The following COA1 variants were observed in gnomAD, a reference collection of about 807,000 sequenced individuals.
COA1 encodes cytochrome c oxidase assembly factor 1 homolog.
In COA1, 13 loss-of-function variants were observed where a neutral mutation model predicts 16.0. The observed-to-expected ratio is 0.81, with a 90% confidence interval of 0.53 to 1.29. The LOEUF (loss-of-function observed/expected upper bound fraction) is 1.29, where lower values mean the gene tolerates loss of function less well. Ranked by LOEUF, COA1 falls within the 50% of genes most tolerant of loss-of-function variation. COA1 has a pLI of 0.00. For synonymous variants in COA1, 65 were observed against 65.7 expected (o/e 0.99, Z 0.05); for missense variants, 179 against 177.0 (o/e 1.01, Z -0.06).
intron 1 of COA1, among the ~76,000 whole-genome samples, chr7:43,674,499 A>G (rs2093421855): frequency 6.6e-6 from 1 of 152,166 alleles, no homozygotes; most frequent in African/African-American, 2.4e-5. Flanking sequence ...GCTTTATAAA[A>G]CTCTATAATT....
chr7:43,656,480 G>A (rs1056816589), intron 1 of COA1, among the ~76,000 whole-genome samples: 1 of 151,536 alleles, frequency 6.6e-6, no homozygotes, highest in Admixed American at 6.6e-5. Flanking sequence ...GGCGGATCAC[G>A]AGGTCAAGAG....
intron 1 of COA1, among the ~76,000 whole-genome samples, chr7:43,725,721 T>C (rs1036731375): frequency 4.6e-5 from 7 of 151,970 alleles, no homozygotes; most frequent in Non-Finnish European, 8.8e-5. Flanking sequence ...TAGCTGGGCA[T>C]GGTGGCAGTC....
At position 43,645,419 on chromosome 7, in the gene COA1, T is replaced by C; in HGVS notation, c.116-20A>G. 6.2e-7 allele frequency: 1 copy of C among 1,611,498 alleles called. No homozygotes were observed. The highest frequency in any genetic ancestry group is 1.1e-5 in the South Asian group (1 of 91,006). On this transcript the variant is annotated intron_variant, in intron 3 of 5. Coordinates refer to ENST00000223336, the MANE Select transcript of COA1 (RefSeq NM_018224.4). The stretch of plus-strand genomic sequence containing the variant: ...GAAACTCTAAGGACGAAAGACACAC[T>C]TATTTTCTTTATTGAACTTGGTCAG...
rs1554541692 is a variant in COA1, at chr7:43,691,072, A to AAAAC, written c.-39+38356_-39+38357insGTTT. 4.6e-3 allele frequency among the ~76,000 whole-genome samples: 484 copies of AAAAC among 105,408 alleles called. 1 individual carries two copies. The highest frequency in any genetic ancestry group is 0.018 in the African/African-American group (435 of 23,920). The allele number at this position is 105,408 out of a possible 152,430, so 69.2% of individuals were successfully genotyped here. Reference sequence around the variant, plus strand: ...ATCACTACAAAAAAAAAAAAAAAAAAAAAAACAAAAAGAAAAGAAAATTGG... The same window carrying AAAAC: ...ATCACTACAAAAAAAAAAAAAAAAAAAAACAAAAACAAAAAGAAAAGAAAATTGG... On this transcript the variant is annotated intron_variant, in intron 1 of 5. Coordinates refer to ENST00000223336, the MANE Select transcript of COA1 (RefSeq NM_018224.4).
intron 4 of COA1, among the ~76,000 whole-genome samples, chr7:43,643,156 C>G (rs956657219): frequency 6.6e-6 from 1 of 152,200 alleles, no homozygotes; most frequent in Non-Finnish European, 1.5e-5. Context: ...CCCAGGAAGG[C>G]GCCCTCTCAG....
At chr7:43,610,508 AT>A (rs2152977342) in intron 6 of COA1, among the ~76,000 whole-genome samples, 1 of 151,514 alleles carries the variant, frequency 6.6e-6, no homozygotes, top group East Asian at 2.0e-4. Flanking sequence ...TCTACTAAAA[AT>A]ACAAAAAATT....
At chr7:43,691,411 GGAAGAAAGAA>G (rs1585056278) in intron 1 of COA1, among the ~76,000 whole-genome samples, 3 of 104,268 alleles carry the variant, frequency 2.9e-5, no homozygotes, top group Non-Finnish European at 5.9e-5. Context: ...AAGGAAGGAA[GGAAGAAAGAA>G]AAAGAAAGAA....
At chr7:43,725,246 A>G (rs1294328489) in intron 1 of COA1, among the ~76,000 whole-genome samples, 1 of 152,160 alleles carries the variant, frequency 6.6e-6, no homozygotes, top group South Asian at 2.1e-4. Context: ...CTCAAAAAAA[A>G]AAAAAGAAAA....
chr7:43,692,664 G>A (rs113441332), intron 1 of COA1, among the ~76,000 whole-genome samples: 2 of 152,266 alleles, frequency 1.3e-5, no homozygotes, highest in African/African-American at 4.8e-5. Flanking sequence ...CAGTATTCAT[G>A]TAATACTTCA....
Position 43,627,655 on chromosome 7 carries a change from TTC to T in COA1, c.*133+11792_*133+11793del, listed in dbSNP as rs2084709139. Among the ~76,000 whole-genome samples, 5 of 152,226 alleles carry T rather than the reference TTC, an allele frequency of 3.3e-5. No homozygotes were observed. In the South Asian group the frequency reaches 1.0e-3, roughly 32 times the overall value. On this transcript the variant is annotated intron_variant and NMD_transcript_variant, in intron 6 of 6. Transcript: ENST00000415076. Reference sequence around the variant, plus strand: ...TGTCCAAGATTGGCCACCTCATCCATTCTATCTGTTGCGGAATTTAAAAAGCT... The same window carrying T: ...TGTCCAAGATTGGCCACCTCATCCATTATCTGTTGCGGAATTTAAAAAGCT...
At chr7:43,728,763 T>C (rs1426660475) in intron 1 of COA1, among the ~76,000 whole-genome samples, 2 of 152,084 alleles carry the variant, frequency 1.3e-5, no homozygotes, top group African/African-American at 4.8e-5. Flanking sequence ...ACCTCAGAAA[T>C]AAAGCAATAG....
chr7:43,640,783 A>G, intron 4 of COA1, 134 bp from the exon 5 acceptor site: 1 of 631,762 alleles, frequency 1.6e-6, no homozygotes, highest in Non-Finnish European at 2.6e-6. Context: ...GTTCTTTTCT[A>G]ACAGCCCAGC....
intron 1 of COA1, among the ~76,000 whole-genome samples, chr7:43,664,836 C>T (rs2092766715): frequency 6.6e-6 from 1 of 152,208 alleles, no homozygotes; most frequent in Admixed American, 6.5e-5. Flanking sequence ...CAAGAATATG[C>T]TATAAAGCAG....
At chr7:43,608,545 C>A in exon 7 of COA1, 1 of 885,484 alleles carries the variant, frequency 1.1e-6, no homozygotes, top group East Asian at 2.7e-5. Flanking sequence ...CTCCTATCCT[C>A]TAGCCAGTTA....
At chr7:43,727,731 G>A (rs1230806751) in intron 1 of COA1, among the ~76,000 whole-genome samples, 1 of 152,224 alleles carries the variant, frequency 6.6e-6, no homozygotes, top group Non-Finnish European at 1.5e-5. Flanking sequence ...AGGTGAGCCT[G>A]CTGAATAAGT....
chr7:43,633,438 G>C (rs1023932624), intron 6 of COA1: 19 of 152,230 alleles, frequency 1.2e-4, no homozygotes, highest in African/African-American at 3.9e-4. Flanking sequence ...CGAGGGAATG[G>C]CCAATTAGTG....
intron 1 of COA1, among the ~76,000 whole-genome samples, chr7:43,701,760 AGTT>A (rs987709263): frequency 3.9e-5 from 6 of 151,988 alleles, no homozygotes; most frequent in African/African-American, 9.7e-5. Flanking sequence ...TCTGTTATTG[AGTT>A]GTTAATAGCC....
intron 6 of COA1, among the ~76,000 whole-genome samples, chr7:43,611,405 C>T (rs2082865536): frequency 6.6e-6 from 1 of 152,068 alleles, no homozygotes; most frequent in South Asian, 2.1e-4. Context: ...CACTCAGGAC[C>T]CAGTAGCCAC....
chr7:43,664,103 AAGAGAGAGAG>A (rs141990456), intron 1 of COA1, among the ~76,000 whole-genome samples: 31 of 135,232 alleles, frequency 2.3e-4, no homozygotes, highest in African/African-American at 6.6e-4. Flanking sequence ...TGTCTTTAGA[AAGAGAGAGAG>A]AGAGAGAGAG....
Sources: allele counts gnomAD v4.1 joint callset (sites outside exome capture counted in the v4.1 genomes callset), GRCh38; gene constraint gnomAD v4.1.1; transcripts MANE v1.5; gene names NCBI Gene and HGNC (gene_info 2026-07-23, HGNC 2026-07-21).